The following GPA33 variants were observed in gnomAD, a reference collection of about 807,000 sequenced individuals.
The protein encoded by GPA33 is cell surface A33 antigen.
A neutral mutation model predicts 35.6 loss-of-function variants in GPA33; 27 were observed. That is an observed-to-expected ratio of 0.76 (90% CI 0.56 to 1.04). GPA33 has a LOEUF of 1.04. Among genes scored for constraint, GPA33 ranks in the 50% least tolerant of loss-of-function variants. The pLI, the probability that GPA33 is intolerant of heterozygous loss-of-function variation, is 0.00. For missense variants in GPA33, 428 were observed against 411.9 expected, an observed-to-expected ratio of 1.04 and a Z score of -0.34; for synonymous variants, 176 against 164.0, an observed-to-expected ratio of 1.07 and a Z score of -0.56.
Position 167,068,850 on chromosome 1 carries a change from T to C in GPA33, c.415+72A>G, listed in dbSNP as rs1189501536. 5 of 1,168,880 alleles carry C rather than the reference T, an allele frequency of 4.3e-6. No homozygotes were observed. The East Asian group carries it at 1.2e-4, about 28-fold the overall frequency. 72.4% of individuals were successfully genotyped at this position (1,168,880 alleles called of 1,614,324 possible). ...CTGCCTCTGGCTTCGTCTCAACACC[T>C]GGGCTCTTCTCCCTGTGCTGCCACC... is the stretch of plus-strand genomic sequence containing the variant. On this transcript the variant is annotated intron_variant, in intron 3 of 6. Coordinates refer to ENST00000367868, the MANE Select transcript of GPA33 (RefSeq NM_005814.3).
chr1:167,056,717 T>TATGGC (rs1666288622), intron 4 of GPA33, among the ~76,000 whole-genome samples: 1 of 3,740 alleles, frequency 2.7e-4, no homozygotes, highest in Non-Finnish European at 6.4e-4. Flanking sequence ...GTAGTGTGTG[T>TATGGC]GTAGTGTGTG....
At chr1:167,077,799 C>A (rs1221354788) in intron 1 of GPA33, among the ~76,000 whole-genome samples, 1 of 152,222 alleles carries the variant, frequency 6.6e-6, no homozygotes, top group Non-Finnish European at 1.5e-5. Context: ...ATTTTAATTA[C>A]ATCTCAATGG....
intron 1 of GPA33, among the ~76,000 whole-genome samples, chr1:167,073,769 A>G (rs1289876511): frequency 6.6e-6 from 1 of 152,100 alleles, no homozygotes; most frequent in African/African-American, 2.4e-5. Context: ...AGCATGATGA[A>G]TTGCCTGGCC....
At chr1:167,078,668 C>A (rs150296051) in intron 1 of GPA33, 1 of 152,304 alleles carries the variant, frequency 6.6e-6, no homozygotes, top group Non-Finnish European at 1.5e-5. Context: ...GAGCGTGTAC[C>A]GCTCTGTATC....
chr1:167,060,303 A>C (rs1666408200), intron 4 of GPA33, among the ~76,000 whole-genome samples: 1 of 152,014 alleles, frequency 6.6e-6, no homozygotes, highest in Non-Finnish European at 1.5e-5. Flanking sequence ...GAACTCCTGT[A>C]CTCAAGCGAT....
chr1:167,062,927 G>A (rs1056414126), intron 4 of GPA33, among the ~76,000 whole-genome samples: 8 of 151,964 alleles, frequency 5.3e-5, no homozygotes, highest in African/African-American at 1.2e-4. Context: ...TTAGACTTGG[G>A]GTCTCAAATG....
intron 3 of GPA33, 151 bp downstream of exon 3, chr1:167,068,770 CG>C: frequency 1.6e-6 from 1 of 616,718 alleles, no homozygotes; most frequent in Non-Finnish European, 2.9e-6. Context: ...AAGGGAGGAG[CG>C]GTCCCTCTGC....
chr1:167,087,480 C>T (rs1003231778), intron 1 of GPA33, among the ~76,000 whole-genome samples: 2 of 152,204 alleles, frequency 1.3e-5, no homozygotes, highest in Non-Finnish European at 2.9e-5. Context: ...TTTGCCCACA[C>T]CATAGTCAGT....
At chr1:167,079,443 G>T (rs1375737622) in intron 1 of GPA33, among the ~76,000 whole-genome samples, 3 of 134,162 alleles carry the variant, frequency 2.2e-5, no homozygotes, top group Non-Finnish European at 4.7e-5. Context: ...AGTGAGCCGA[G>T]ATCACACCAC....
At chr1:167,061,891 G>A (rs954844772) in intron 4 of GPA33, among the ~76,000 whole-genome samples, 32 of 152,164 alleles carry the variant, frequency 2.1e-4, no homozygotes, top group African/African-American at 6.7e-4. Context: ...TTAAGAAGTC[G>A]ATTTGCCCCC....
At chr1:167,056,673 G>GTGGT (rs1666277931) in intron 4 of GPA33, among the ~76,000 whole-genome samples, 15 of 16,966 alleles carry the variant, frequency 8.8e-4, no homozygotes, top group African/African-American at 1.1e-3. Flanking sequence ...GTGAGTGTGT[G>GTGGT]ATGTGTCTGG....
chr1:167,083,362 A>T (rs1423829858), intron 1 of GPA33, among the ~76,000 whole-genome samples: 1 of 152,228 alleles, frequency 6.6e-6, no homozygotes, highest in Non-Finnish European at 1.5e-5. Flanking sequence ...TGGAGGAGGA[A>T]GAAAAGCAGG....
chr1:167,086,015 C>T (rs1558012418), intron 1 of GPA33, among the ~76,000 whole-genome samples: 1 of 152,198 alleles, frequency 6.6e-6, no homozygotes, highest in Non-Finnish European at 1.5e-5. Flanking sequence ...GAGCCACTGG[C>T]CTAAACTATT....
Position 167,054,121 on chromosome 1 carries a change from T to C in GPA33, c.*213A>G. On this transcript the variant is annotated 3_prime_UTR_variant, in exon 7 of 7. Transcript: ENST00000367868. ...CACCAGGTGTCACAGCCAGGAGGGG[T>C]TACTTCACAGGACAGTGAGGTCAGC... The C allele has an allele frequency of 1.7e-6, 1 of 595,536 alleles. No homozygotes were observed. Among genetic ancestry groups the C allele is most frequent in the Non-Finnish European group, 2.9e-6 (1 of 343,242 alleles). 36.9% of individuals were successfully genotyped at this position (595,536 alleles called of 1,614,324 possible).
chr1:167,089,461 C>G (rs947067764), intron 1 of GPA33, among the ~76,000 whole-genome samples: 8 of 152,192 alleles, frequency 5.3e-5, no homozygotes, highest in Non-Finnish European at 1.2e-4. Context: ...TTTGCCAAAC[C>G]CTGCGTCTCT....
chr1:167,074,054 A>G (rs1178319024), intron 1 of GPA33, among the ~76,000 whole-genome samples: 1 of 151,220 alleles, frequency 6.6e-6, no homozygotes, highest in South Asian at 2.1e-4. Flanking sequence ...GAATAAGATT[A>G]TATCGAGGTA....
chr1:167,067,147 T>C (rs1666614164), intron 3 of GPA33, among the ~76,000 whole-genome samples: 1 of 152,138 alleles, frequency 6.6e-6, no homozygotes, highest in Non-Finnish European at 1.5e-5. Context: ...TTTTGTTTGT[T>C]TGCTTGCTTG....
chr1:167,078,326 A>G (rs146481556), intron 1 of GPA33, among the ~76,000 whole-genome samples: 115 of 152,348 alleles, frequency 7.5e-4, no homozygotes, highest in Admixed American at 1.8e-3. Context: ...ACATACACTT[A>G]GATCCTCTTA....
intron 4 of GPA33, among the ~76,000 whole-genome samples, chr1:167,056,737 G>A (rs1384158854): frequency 1.4e-3 from 3 of 2,098 alleles, no homozygotes; most frequent in Non-Finnish European, 2.9e-3. Context: ...GATGTATGTG[G>A]TGTGTGTGGT....
Sources: gnomAD v4.1 joint callset for allele counts (sites outside exome capture counted in the v4.1 genomes callset) on GRCh38, gnomAD v4.1.1 for gene constraint, MANE v1.5 for transcripts, NCBI Gene and HGNC (gene_info 2026-07-23, HGNC 2026-07-21) for gene names.